The following PLA2G4E variants were observed in gnomAD, a reference collection of about 807,000 sequenced individuals.
PLA2G4E encodes cytosolic phospholipase A2 epsilon.
Under a neutral mutation model 109.1 loss-of-function variants are expected in PLA2G4E, and 84 were observed. The observed-to-expected ratio is 0.77, with a 90% confidence interval of 0.65 to 0.92. PLA2G4E has a LOEUF of 0.92. PLA2G4E is among the 40% of genes least tolerant of loss of function. The pLI is 0.00. For missense variants in PLA2G4E, 1,057 were observed against 1,076.6 expected (o/e 0.98, Z 0.25); for synonymous variants, 469 against 436.1 (o/e 1.08, Z -0.94).
chr15:41,994,694 G>A (rs1011209001), intron 12 of PLA2G4E, among the ~76,000 whole-genome samples: 28 of 152,036 alleles, frequency 1.8e-4, no homozygotes, highest in African/African-American at 6.5e-4. Context: ...TATATTTCAT[G>A]CTGGCCACAT....
rs768928825 is a variant in PLA2G4E at position 42,004,919 on chromosome 15, G to A, written c.566+19C>T. ...GATGGCCAGGACCTTGGTGGGCCCC[G>A]GGGCCTGGGCCTACTCACCTCTCCT... On this transcript the variant is annotated intron_variant, in intron 5 of 19. Coordinates refer to ENST00000399518, the Ensembl canonical transcript of PLA2G4E. 1.5e-5 allele frequency: 24 copies of A among 1,612,080 alleles called. No homozygotes were observed. The East Asian group carries it at 1.8e-4, about 12-fold the overall frequency.
intron 1 of PLA2G4E, among the ~76,000 whole-genome samples, chr15:42,044,097 T>C (rs1184272997): frequency 6.6e-6 from 1 of 152,182 alleles, no homozygotes; most frequent in African/African-American, 2.4e-5. Context: ...GTGCTACAGG[T>C]TCCGAGTATC....
intron 1 of PLA2G4E, among the ~76,000 whole-genome samples, chr15:42,018,311 C>T (rs541984781): frequency 1.2e-4 from 19 of 152,282 alleles, no homozygotes; most frequent in Middle Eastern, 3.4e-3. Flanking sequence ...CTGTGGAACC[C>T]AAGTTTACAG....
chr15:41,996,365 A>T (rs1218628762), intron 11 of PLA2G4E, among the ~76,000 whole-genome samples: 1 of 149,126 alleles, frequency 6.7e-6, no homozygotes, highest in Non-Finnish European at 1.5e-5. Flanking sequence ...AAAAAAAAAA[A>T]AAAAAAAAAA....
Position 41,987,392 on chromosome 15 carries a change from G to T in PLA2G4E, c.1832-17C>A. ...GCTCGTCTTCTGCAGGGGAGGGAGG[G>T]ATGAAGGGCAGGTCATGAGAGGTGG... On this transcript the variant is annotated splice_polypyrimidine_tract_variant and intron_variant, in intron 16 of 19. Coordinates refer to ENST00000399518, the Ensembl canonical transcript of PLA2G4E. The T allele has an allele frequency of 6.2e-7, 1 of 1,608,440 alleles. No individual in the cohort carries two copies. Among genetic ancestry groups the T allele is most frequent in the Non-Finnish European group, 8.5e-7 (1 of 1,176,006 alleles).
At chr15:42,003,131 G>A (rs1035844893) in intron 5 of PLA2G4E, among the ~76,000 whole-genome samples, 1 of 152,252 alleles carries the variant, frequency 6.6e-6, no homozygotes, top group South Asian at 2.1e-4. Flanking sequence ...ACCCAGCTGA[G>A]AGGGTGAATG....
At chr15:42,010,200 G>T in intron 2 of PLA2G4E, 1 of 528,444 alleles carries the variant, frequency 1.9e-6, no homozygotes, top group Admixed American at 2.0e-5. Flanking sequence ...CCTGCAGGCA[G>T]GGTGCCAGCT....
intron 13 of PLA2G4E, among the ~76,000 whole-genome samples, chr15:41,991,208 C>T (rs925201135): frequency 3.9e-5 from 6 of 152,168 alleles, no homozygotes; most frequent in Non-Finnish European, 5.9e-5. Flanking sequence ...AGAGCAGAGG[C>T]CTCTCAACAA....
intron 8 of PLA2G4E, 51 bp from the exon 9 acceptor site, chr15:42,000,051 C>A: frequency 1.9e-6 from 3 of 1,574,180 alleles, no homozygotes; most frequent in Non-Finnish European, 8.6e-7. Context: ...TCCTCTGGCA[C>A]CCCCCACCTG....
chr15:42,009,774 A>C (rs998041114), intron 2 of PLA2G4E: 1 of 167,438 alleles, frequency 6.0e-6, no homozygotes, highest in East Asian at 1.8e-4. Context: ...GCCTTTGCAC[A>C]TGTAGCTCCC....
chr15:42,047,780 C>T (rs1337116738), intron 1 of PLA2G4E, among the ~76,000 whole-genome samples: 1 of 152,094 alleles, frequency 6.6e-6, no homozygotes, highest in Non-Finnish European at 1.5e-5. Flanking sequence ...CAGGGAATGA[C>T]CAATTGGCCA....
chr15:42,035,994 GTT>G (rs10711186), intron 1 of PLA2G4E, among the ~76,000 whole-genome samples: 2 of 151,870 alleles, frequency 1.3e-5, no homozygotes, highest in Non-Finnish European at 2.9e-5. Flanking sequence ...CTATAAACAT[GTT>G]TTTTTTCTCT....
At chr15:42,035,420 T>A (rs572827510) in intron 1 of PLA2G4E, among the ~76,000 whole-genome samples, 1 of 152,354 alleles carries the variant, frequency 6.6e-6, no homozygotes, top group East Asian at 1.9e-4. Flanking sequence ...CGTTGGTTAT[T>A]GTCCATGCCT....
intron 1 of PLA2G4E, among the ~76,000 whole-genome samples, chr15:42,025,183 G>A (rs1429412708): frequency 7.9e-5 from 11 of 138,738 alleles, no homozygotes; most frequent in East Asian, 6.3e-4. Flanking sequence ...GAGACAGAGT[G>A]AAACTCTGTC....
At chr15:41,986,521 ATT>A (rs879585887) in intron 17 of PLA2G4E, among the ~76,000 whole-genome samples, 8 of 140,016 alleles carry the variant, frequency 5.7e-5, no homozygotes, top group Admixed American at 1.4e-4. Flanking sequence ...CACCACTCAC[ATT>A]TTTTTTTTTT....
At chr15:42,001,626 G>A (rs2068420962) in intron 6 of PLA2G4E, among the ~76,000 whole-genome samples, 1 of 152,198 alleles carries the variant, frequency 6.6e-6, no homozygotes, top group South Asian at 2.1e-4. Context: ...CTTTTTGAGG[G>A]AGAGGTCTCC....
At position 42,047,557 on chromosome 15, in the gene PLA2G4E, C is replaced by T. The variant is rs116570643; in HGVS notation, c.183+2964G>A. 3.6e-3 allele frequency among the ~76,000 whole-genome samples: 546 copies of T among 152,316 alleles called. 3 individuals are homozygous for T. The highest frequency in any genetic ancestry group is 0.013 in the African/African-American group (527 of 41,558). On this transcript the variant is annotated intron_variant, in intron 1 of 19. Coordinates refer to ENST00000399518, the Ensembl canonical transcript of PLA2G4E. The stretch of plus-strand genomic sequence containing the variant: ...AGTGTTGCGTTAGGGATTAAGTTTC[C>T]AACACATGACCTTTGGGGGGCATAT...
exon 20 of PLA2G4E, chr15:41,983,928 A>G (rs748099333): frequency 6.2e-7 from 1 of 1,612,860 alleles, no homozygotes; most frequent in South Asian, 1.1e-5. Flanking sequence ...TGGGACCATA[A>G]ATGTCCACCT....
chr15:41,987,252 A>C (rs1566834255), exon 17 of PLA2G4E: 1 of 1,613,982 alleles, frequency 6.2e-7, no homozygotes, highest in Admixed American at 1.7e-5. Context: ...AAACTCAGAC[A>C]CGAAGGACCG....
Sources: allele counts gnomAD v4.1 joint callset (sites outside exome capture counted in the v4.1 genomes callset), GRCh38; gene constraint gnomAD v4.1.1; transcripts MANE v1.5; gene names NCBI Gene and HGNC (gene_info 2026-07-23, HGNC 2026-07-21).